Variants in PDE1C observed in about 807,000 individuals in gnomAD.
The protein encoded by PDE1C is dual specificity calcium/calmodulin-dependent 3',5'-cyclic nucleotide phosphodiesterase 1C.
PDE1C carries 62 observed loss-of-function variants against 93.1 expected under a neutral mutation model. That is an observed-to-expected ratio of 0.67 (90% CI 0.54 to 0.82). The LOEUF is 0.82. PDE1C is among the 40% of genes least tolerant of loss of function. The pLI is 0.00. For synonymous variants in PDE1C, 325 were observed against 310.1 expected (o/e 1.05, Z -0.50); for missense variants, 742 against 884.6 (o/e 0.84, Z 2.04).
the PDE1C span, among the ~76,000 whole-genome samples, chr7:31,729,967 C>T: frequency 6.6e-6 from 1 of 152,108 alleles, no homozygotes. Context: ...CAAGTATCAG[C>T]CCCGTCACTC....
intron 2 of PDE1C, among the ~76,000 whole-genome samples, chr7:31,931,350 G>T (rs903550600): frequency 6.6e-6 from 1 of 152,156 alleles, no homozygotes; most frequent in Non-Finnish European, 1.5e-5. Context: ...CATTGTCTCA[G>T]CCCAAAAACT....
At chr7:32,185,290 T>C (rs74809740) in intron 2 of PDE1C, among the ~76,000 whole-genome samples, 3,523 of 151,336 alleles carry the variant, frequency 0.023, 137 homozygotes, top group African/African-American at 0.081. Flanking sequence ...AAAGCCAACT[T>C]GCATTACTCA....
intron 1 of PDE1C, among the ~76,000 whole-genome samples, chr7:32,218,444 G>T (rs1483095171): frequency 6.6e-6 from 1 of 152,216 alleles, no homozygotes; most frequent in Non-Finnish European, 1.5e-5. Context: ...AGAGGGCAAG[G>T]CTCACCTGCC....
intron 2 of PDE1C, among the ~76,000 whole-genome samples, chr7:32,208,399 A>G (rs1805761843): frequency 6.6e-6 from 1 of 152,072 alleles, no homozygotes; most frequent in South Asian, 2.1e-4. Context: ...AGACAGCAAC[A>G]TTTTTGACTG....
At chr7:32,169,951 T>C in exon 3 of PDE1C, 1 of 1,611,888 alleles carries the variant, frequency 6.2e-7, no homozygotes, top group South Asian at 1.1e-5. Flanking sequence ...TTCTGTGACT[T>C]AGACCCTGAG....
chr7:32,123,792 G>T (rs538659181), intron 3 of PDE1C, among the ~76,000 whole-genome samples: 1 of 152,224 alleles, frequency 6.6e-6, no homozygotes, highest in East Asian at 1.9e-4. Context: ...TAGAAAACTG[G>T]TACAAGACAA....
At position 31,837,191 on chromosome 7, in the gene PDE1C, ACTC is replaced by A. The variant is rs765794894; in HGVS notation, c.1189_1191del (p.Glu397del). On this transcript the variant is annotated inframe_deletion, in exon 11 of 18. Coordinates refer to ENST00000396191, the MANE Select transcript of PDE1C (RefSeq NM_001191057.4). ...GAGCAACAAGGTACCTGTCTGAAGA[ACTC>A]CTCCAGGAGTGACATTGTCCAGCGA... is the stretch of plus-strand genomic sequence containing the variant. 4 of 1,612,876 alleles carry A rather than the reference ACTC, an allele frequency of 2.5e-6. No individual in the cohort carries two copies. The highest frequency in any genetic ancestry group is 3.4e-6 in the Non-Finnish European group (4 of 1,179,524).
chr7:31,899,379 C>T (rs1583859449), intron 2 of PDE1C, among the ~76,000 whole-genome samples: 1 of 152,084 alleles, frequency 6.6e-6, no homozygotes, highest in Non-Finnish European at 1.5e-5. Context: ...ACCTCATGAT[C>T]CACCCTCCTT....
At chr7:31,636,791 A>C in the PDE1C span, among the ~76,000 whole-genome samples, 1 of 151,254 alleles carries the variant, frequency 6.6e-6, no homozygotes, top group African/African-American at 2.4e-5. Flanking sequence ...GGTTTGTTAC[A>C]TATGTATACA....
At chr7:31,686,403 T>C in the PDE1C span, among the ~76,000 whole-genome samples, 1 of 152,228 alleles carries the variant, frequency 6.6e-6, no homozygotes, top group South Asian at 2.1e-4. Flanking sequence ...AGTGCCTACG[T>C]ATTCCTAATA....
chr7:32,269,438 A>AT (rs1333006301), intron 1 of PDE1C, among the ~76,000 whole-genome samples: 1 of 142,270 alleles, frequency 7.0e-6, no homozygotes, highest in Non-Finnish European at 1.5e-5. Flanking sequence ...TGTAGGATAT[A>AT]TTTTTTTGAT....
chr7:31,775,935 G>C (rs980214457), intron 16 of PDE1C, among the ~76,000 whole-genome samples: 35 of 152,158 alleles, frequency 2.3e-4, no homozygotes, highest in African/African-American at 8.2e-4. Flanking sequence ...GTGACAGTAC[G>C]CAGTTCCTCT....
intron 1 of PDE1C, among the ~76,000 whole-genome samples, chr7:32,401,102 TG>T (rs1458135066): frequency 6.6e-6 from 1 of 152,260 alleles, no homozygotes; most frequent in Non-Finnish European, 1.5e-5. Flanking sequence ...GTCTCAAAAG[TG>T]TTTTGATTGT....
intron 1 of PDE1C, among the ~76,000 whole-genome samples, chr7:32,327,103 T>C (rs1477619862): frequency 6.6e-6 from 1 of 152,188 alleles, no homozygotes; most frequent in Non-Finnish European, 1.5e-5. Flanking sequence ...AACATCTCCG[T>C]AATCCATTAA....
At chr7:32,114,418 T>TA (rs139418317) in intron 3 of PDE1C, among the ~76,000 whole-genome samples, 3,687 of 152,226 alleles carry the variant, frequency 0.024, 142 homozygotes, top group African/African-American at 0.083. Context: ...TGCCCAGCCA[T>TA]ATGCAGAAAA....
rs3840587 is a variant in PDE1C at position 31,807,930 on chromosome 7, TAA to T, written c.1891+1099_1891+1100del. Reference sequence around the variant, plus strand: ...ATTTCCATTTGCATAAGCACATTGGTAAAAAAAAAAAAATTGCAGGTATGTGT... The same window carrying T: ...ATTTCCATTTGCATAAGCACATTGGTAAAAAAAAAAATTGCAGGTATGTGT... On this transcript the variant is annotated intron_variant, in intron 16 of 17. Coordinates refer to ENST00000396191, the MANE Select transcript of PDE1C (RefSeq NM_001191057.4). Among the ~76,000 whole-genome samples the T allele has an allele frequency of 4.8e-5, 7 of 145,566 alleles. No individual in the cohort carries two copies. The South Asian group carries it at 1.3e-3, about 27-fold the overall frequency.
intron 1 of PDE1C, among the ~76,000 whole-genome samples, chr7:32,420,124 T>TAC (rs1156625491): frequency 0.032 from 422 of 13,074 alleles, 55 homozygotes; most frequent in Middle Eastern, 0.077. Flanking sequence ...TATATATATA[T>TAC]ACACACACAC....
intron 3 of PDE1C, among the ~76,000 whole-genome samples, chr7:32,149,932 A>G (rs1332352259): frequency 1.5e-4 from 23 of 152,208 alleles, no homozygotes; most frequent in Non-Finnish European, 3.4e-4. Flanking sequence ...AGAGAAAGTA[A>G]TGATCCCACA....
At chr7:31,649,125 G>A in the PDE1C span, among the ~76,000 whole-genome samples, 2 of 152,208 alleles carry the variant, frequency 1.3e-5, no homozygotes, top group African/African-American at 2.4e-5. Flanking sequence ...TGCAAAATAC[G>A]TTATTCAGTA....
Sources: gnomAD v4.1 joint callset for allele counts (sites outside exome capture counted in the v4.1 genomes callset) on GRCh38, gnomAD v4.1.1 for gene constraint, MANE v1.5 for transcripts, NCBI Gene and HGNC (gene_info 2026-07-23, HGNC 2026-07-21) for gene names.